Variants in PDZRN4 observed in about 807,000 individuals in gnomAD.
PDZRN4 encodes PDZ domain containing ring finger 4.
Under a neutral mutation model 99.0 loss-of-function variants are expected in PDZRN4, and 70 were observed. The observed-to-expected ratio is 0.71, with a 90% CI of 0.58 to 0.86. The LOEUF is 0.86. PDZRN4 is among the 40% of genes least tolerant of loss of function. The pLI, the probability that PDZRN4 is intolerant of heterozygous loss-of-function variation, is 0.00. For missense variants in PDZRN4, 1,474 were observed against 1,331.2 expected (o/e 1.11, Z -1.67); for synonymous variants, 551 against 501.6 (o/e 1.10, Z -1.32).
chr12:41,300,231 C>T (rs1951525533), intron 3 of PDZRN4, among the ~76,000 whole-genome samples: 1 of 151,762 alleles, frequency 6.6e-6, no homozygotes, highest in African/African-American at 2.4e-5. Flanking sequence ...CTTTTGTCTT[C>T]CAAAAATCTT....
At chr12:41,422,942 A>G (rs752984677) in intron 3 of PDZRN4, among the ~76,000 whole-genome samples, 3 of 152,090 alleles carry the variant, frequency 2.0e-5, no homozygotes, top group Non-Finnish European at 4.4e-5. Context: ...CCAAACTTCT[A>G]TCCTCCAGTA....
chr12:41,284,999 A>T (rs1951413055), intron 3 of PDZRN4, among the ~76,000 whole-genome samples: 1 of 152,108 alleles, frequency 6.6e-6, no homozygotes, highest in South Asian at 2.1e-4. Context: ...AAGCCAAAAT[A>T]GACAAATGGG....
At chr12:41,189,603 C>G (rs971205134) in intron 1 of PDZRN4, among the ~76,000 whole-genome samples, 2 of 152,162 alleles carry the variant, frequency 1.3e-5, no homozygotes, top group Admixed American at 1.3e-4. Flanking sequence ...ATGACACTTG[C>G]GCTGCCACTG....
intron 3 of PDZRN4, among the ~76,000 whole-genome samples, chr12:41,301,602 A>C (rs771341009): frequency 2.0e-5 from 3 of 152,118 alleles, no homozygotes; most frequent in Non-Finnish European, 2.9e-5. Flanking sequence ...TATTGCAGTT[A>C]ATCATACTAC....
chr12:41,381,746 G>T (rs1048399306), intron 3 of PDZRN4, among the ~76,000 whole-genome samples: 1 of 152,016 alleles, frequency 6.6e-6, no homozygotes, highest in Non-Finnish European at 1.5e-5. Context: ...TTTCTTTAGG[G>T]TCAGTTATTG....
chr12:41,273,703 A>C (rs527314017), intron 3 of PDZRN4, among the ~76,000 whole-genome samples: 1 of 152,124 alleles, frequency 6.6e-6, no homozygotes, highest in Non-Finnish European at 1.5e-5. Context: ...ATACCTAAAA[A>C]ATGACTGAAC....
chr12:41,253,495 G>A (rs1025392342), intron 3 of PDZRN4, among the ~76,000 whole-genome samples: 5 of 152,110 alleles, frequency 3.3e-5, no homozygotes, highest in Non-Finnish European at 7.4e-5. Context: ...CAATAACAGA[G>A]CCTGGTGAGG....
At chr12:41,472,880 A>G (rs190983828) in intron 3 of PDZRN4, among the ~76,000 whole-genome samples, 8 of 152,334 alleles carry the variant, frequency 5.3e-5, no homozygotes, top group Admixed American at 1.3e-4. Flanking sequence ...CTTGCTCTGG[A>G]CCTTACTAGT....
chr12:41,388,236 G>A (rs1486862596), intron 3 of PDZRN4, among the ~76,000 whole-genome samples: 2 of 152,120 alleles, frequency 1.3e-5, no homozygotes, highest in Non-Finnish European at 2.9e-5. Flanking sequence ...AACACACGCT[G>A]GGGCCTATTA....
intron 3 of PDZRN4, among the ~76,000 whole-genome samples, chr12:41,357,092 A>G (rs1951933067): frequency 6.6e-6 from 1 of 151,814 alleles, no homozygotes; most frequent in Non-Finnish European, 1.5e-5. Flanking sequence ...TGGTTTTATT[A>G]ATTCTGGCTC....
intron 3 of PDZRN4, among the ~76,000 whole-genome samples, chr12:41,205,827 C>T (rs962917917): frequency 1.3e-5 from 2 of 151,894 alleles, no homozygotes; most frequent in Non-Finnish European, 2.9e-5. Flanking sequence ...AGACCAGCAC[C>T]CAGATCAAGA....
intron 3 of PDZRN4, among the ~76,000 whole-genome samples, chr12:41,351,892 C>A (rs79249015): frequency 0.044 from 6,679 of 151,780 alleles, 198 homozygotes; most frequent in Middle Eastern, 0.095. Flanking sequence ...TGTCTGTAAT[C>A]CCAGCTACTC....
chr12:41,451,162 G>A (rs1952771105), intron 3 of PDZRN4, among the ~76,000 whole-genome samples: 1 of 100,684 alleles, frequency 9.9e-6, no homozygotes, highest in Non-Finnish European at 2.0e-5. Context: ...CCTTGGATGT[G>A]CAATTTAGAT....
intron 3 of PDZRN4, among the ~76,000 whole-genome samples, chr12:41,471,321 A>G (rs931057923): frequency 6.6e-6 from 1 of 152,184 alleles, no homozygotes; most frequent in Non-Finnish European, 1.5e-5. Flanking sequence ...TTATTGTCAC[A>G]TATAACAGGT....
At chr12:41,332,639 A>T (rs1366992653) in intron 3 of PDZRN4, among the ~76,000 whole-genome samples, 1 of 151,762 alleles carries the variant, frequency 6.6e-6, no homozygotes, top group Non-Finnish European at 1.5e-5. Flanking sequence ...GTGGGTCCAA[A>T]GCAGAACTCA....
chr12:41,381,977 G>A (rs930075325), intron 3 of PDZRN4, among the ~76,000 whole-genome samples: 17 of 152,128 alleles, frequency 1.1e-4, no homozygotes, highest in Admixed American at 4.6e-4. Context: ...TAGGGCCACC[G>A]TCCATGCTCT....
intron 3 of PDZRN4, among the ~76,000 whole-genome samples, chr12:41,269,925 T>C (rs1275353429): frequency 6.6e-6 from 1 of 152,172 alleles, no homozygotes; most frequent in Non-Finnish European, 1.5e-5. Flanking sequence ...TGCTAAAATA[T>C]TTCTATAAAG....
chr12:41,415,886 T>C (rs938000694), intron 3 of PDZRN4, among the ~76,000 whole-genome samples: 3 of 152,220 alleles, frequency 2.0e-5, no homozygotes, highest in African/African-American at 7.2e-5. Context: ...ATTCTAAGTT[T>C]TGTCTTATTT....
Position 41,506,638 on chromosome 12 carries a change from C to T in PDZRN4, c.1026C>T (p.His342=), listed in dbSNP as rs1225673301. Residue 342 remains histidine (H), a synonymous_variant, in exon 4 of 10, where the codon CAC becomes CAT. Coordinates refer to ENST00000402685, the MANE Select transcript of PDZRN4 (RefSeq NM_001164595.2). ...ASTQTDITFE[H]IMALAKLRPP... ...CTCAGACGGACATCACCTTCGAACA[C>T]ATCATGGCTCTGGCCAAGCTTCGTC... 2 of 1,613,896 alleles carry T rather than the reference C, an allele frequency of 1.2e-6. No individual in the cohort carries two copies. The highest frequency in any genetic ancestry group is 8.5e-7 in the Non-Finnish European group (1 of 1,179,846).
Sources: allele counts gnomAD v4.1 joint callset (sites outside exome capture counted in the v4.1 genomes callset), GRCh38; gene constraint gnomAD v4.1.1; transcripts MANE v1.5; gene names NCBI Gene and HGNC (gene_info 2026-07-23, HGNC 2026-07-21).